CHRM2: variants seen among roughly 807,000 people sequenced by gnomAD.
CHRM2 encodes muscarinic acetylcholine receptor M2.
In CHRM2, 8 loss-of-function variants were observed where a neutral mutation model predicts 25.0. The ratio of observed to expected loss-of-function variants is 0.32; its 90% CI spans 0.19 to 0.58. The LOEUF (loss-of-function observed/expected upper bound fraction) is 0.58, where lower values mean the gene tolerates loss of function less well. Among genes scored for constraint, CHRM2 ranks in the 20% least tolerant of loss-of-function variants. CHRM2 has a pLI of 0.88. For missense variants in CHRM2, 440 were observed against 567.1 expected (o/e 0.78, Z 2.28); for synonymous variants, 202 against 205.7 (o/e 0.98, Z 0.15).
intron 2 of CHRM2, among the ~76,000 whole-genome samples, chr7:136,938,901 T>A (rs1354134254): frequency 3.6e-5 from 3 of 82,948 alleles, no homozygotes; most frequent in African/African-American, 5.3e-5. Flanking sequence ...AAATAAAACT[T>A]CAGCTAGCTC....
intron 2 of CHRM2, among the ~76,000 whole-genome samples, chr7:136,892,529 A>G (rs1796731225): frequency 6.6e-6 from 1 of 152,186 alleles, no homozygotes; most frequent in South Asian, 2.1e-4. Context: ...ACCAAAGCAA[A>G]CAAACAGGTG....
intron 2 of CHRM2, among the ~76,000 whole-genome samples, chr7:136,937,126 A>C (rs1345625433): frequency 6.6e-6 from 1 of 152,178 alleles, no homozygotes; most frequent in Non-Finnish European, 1.5e-5. Flanking sequence ...CTGGAATAAA[A>C]ATAGGTAGTT....
At chr7:136,918,921 TTTC>T (rs1219873714) in intron 2 of CHRM2, among the ~76,000 whole-genome samples, 1 of 152,076 alleles carries the variant, frequency 6.6e-6, no homozygotes, top group Non-Finnish European at 1.5e-5. Context: ...TGCTGAAAGG[TTTC>T]TTAACAAAGT....
At chr7:136,982,900 A>T (rs936495963) in intron 2 of CHRM2, among the ~76,000 whole-genome samples, 6 of 152,124 alleles carry the variant, frequency 3.9e-5, no homozygotes, top group African/African-American at 1.4e-4. Context: ...AACCTTGGTG[A>T]ATCTGACGAT....
chr7:136,871,631 A>T (rs1211762007), intron 2 of CHRM2: 1 of 152,458 alleles, frequency 6.6e-6, no homozygotes, highest in Non-Finnish European at 1.5e-5. Flanking sequence ...AAAAAAAGAG[A>T]TGATGGTATT....
intron 2 of CHRM2, among the ~76,000 whole-genome samples, chr7:136,879,457 A>C (rs1796175658): frequency 6.6e-6 from 1 of 151,992 alleles, no homozygotes; most frequent in Non-Finnish European, 1.5e-5. Flanking sequence ...ATTGTTAACT[A>C]ACCATTTATT....
intron 2 of CHRM2, among the ~76,000 whole-genome samples, chr7:136,976,422 G>A (rs929439645): frequency 6.6e-6 from 1 of 151,998 alleles, no homozygotes; most frequent in African/African-American, 2.4e-5. Context: ...ATTCAGTCCT[G>A]ACAATACTCT....
intron 2 of CHRM2, among the ~76,000 whole-genome samples, chr7:136,914,906 TAAG>T (rs1269591124): frequency 6.6e-6 from 1 of 151,956 alleles, no homozygotes; most frequent in East Asian, 1.9e-4. Flanking sequence ...TTTAGTTTCA[TAAG>T]AAGGGCATTG....
chr7:136,940,267 C>A (rs1799687274), intron 2 of CHRM2, among the ~76,000 whole-genome samples: 1 of 152,144 alleles, frequency 6.6e-6, no homozygotes. Context: ...TGCTGTAAAG[C>A]CATGGATACA....
At chr7:136,914,836 G>C (rs1198632877) in intron 2 of CHRM2, among the ~76,000 whole-genome samples, 1 of 151,940 alleles carries the variant, frequency 6.6e-6, no homozygotes, top group African/African-American at 2.4e-5. Context: ...ACATACAAAT[G>C]TTTGTTATTA....
At chr7:136,918,710 C>T (rs1798257559) in intron 2 of CHRM2, among the ~76,000 whole-genome samples, 1 of 152,042 alleles carries the variant, frequency 6.6e-6, no homozygotes, top group Non-Finnish European at 1.5e-5. Flanking sequence ...CAGGTGCATG[C>T]CACCATGCCA....
chr7:136,973,905 C>G (rs1416721569), intron 2 of CHRM2, among the ~76,000 whole-genome samples: 1 of 152,108 alleles, frequency 6.6e-6, no homozygotes, highest in Non-Finnish European at 1.5e-5. Context: ...GATTATTTAA[C>G]AGTCTAAAAT....
intron 2 of CHRM2, among the ~76,000 whole-genome samples, chr7:136,957,747 G>A (rs942969076): frequency 1.2e-4 from 18 of 152,134 alleles, no homozygotes; most frequent in African/African-American, 4.1e-4. Flanking sequence ...GTTCTGTAGA[G>A]TTCTCTAAAC....
chr7:136,933,752 G>C (rs1799250522), intron 2 of CHRM2, among the ~76,000 whole-genome samples: 1 of 152,078 alleles, frequency 6.6e-6, no homozygotes, highest in South Asian at 2.1e-4. Flanking sequence ...AAAGAATACA[G>C]CACTTATATA....
chr7:136,892,391 G>A (rs1019795177), intron 2 of CHRM2, among the ~76,000 whole-genome samples: 5 of 152,008 alleles, frequency 3.3e-5, no homozygotes, highest in Admixed American at 2.6e-4. Context: ...CCTTCTCTGG[G>A]TTATCATACT....
intron 2 of CHRM2, among the ~76,000 whole-genome samples, chr7:136,974,237 A>G (rs1408368488): frequency 6.6e-6 from 1 of 152,200 alleles, no homozygotes. Context: ...AGGTTGGTAC[A>G]GTTTAAGTGA....
chr7:136,874,574 C>G (rs1460606778), intron 2 of CHRM2, among the ~76,000 whole-genome samples: 1 of 144,282 alleles, frequency 6.9e-6, no homozygotes, highest in African/African-American at 2.6e-5. Flanking sequence ...TCTGCCCCCC[C>G]TCTCTCCCCT....
intron 2 of CHRM2, among the ~76,000 whole-genome samples, chr7:136,897,233 T>C (rs1404415996): frequency 6.6e-6 from 1 of 152,020 alleles, no homozygotes; most frequent in Non-Finnish European, 1.5e-5. Flanking sequence ...TGATTAGTTT[T>C]ATTGTGAACA....
intron 2 of CHRM2, among the ~76,000 whole-genome samples, chr7:136,917,546 G>C (rs2130717021): frequency 6.6e-6 from 1 of 152,136 alleles, no homozygotes; most frequent in East Asian, 1.9e-4. Context: ...TAAACCATTA[G>C]AACTATATTG....
Sources: allele counts gnomAD v4.1 joint callset (sites outside exome capture counted in the v4.1 genomes callset), GRCh38; gene constraint gnomAD v4.1.1; transcripts MANE v1.5; gene names NCBI Gene and HGNC (gene_info 2026-07-23, HGNC 2026-07-21).